The following ZFP62 variants were observed in gnomAD, a reference collection of about 807,000 sequenced individuals.
ZFP62 encodes the protein ZFP62 zinc finger protein, also known as zinc finger protein 62 homolog.
In ZFP62, 44 loss-of-function variants were observed where a neutral mutation model predicts 56.4. That is an observed-to-expected ratio of 0.78 (90% CI 0.61 to 1.00). The LOEUF (loss-of-function observed/expected upper bound fraction) is 1.00, where lower values mean the gene tolerates loss of function less well. Among genes scored for constraint, ZFP62 ranks in the 50% least tolerant of loss-of-function variants. The probability of loss-of-function intolerance (pLI) is 0.00; values close to 1 mark genes in which losing one functional copy is unlikely to be tolerated. For synonymous variants in ZFP62, 421 were observed against 388.9 expected (o/e 1.08, Z -0.97); for missense variants, 1,030 against 1,085.7 (o/e 0.95, Z 0.72).
At chr5:180,831,480 C>G in the ZFP62 span, 2 of 152,040 alleles carry the variant, frequency 1.3e-5, no homozygotes, top group African/African-American at 4.8e-5. Flanking sequence ...GGCGCCGTCT[C>G]GGCTCCCTGC....
chr5:180,827,293 G>A, the ZFP62 span, among the ~76,000 whole-genome samples: 1 of 152,220 alleles, frequency 6.6e-6, no homozygotes, highest in South Asian at 2.1e-4. Flanking sequence ...AGAGAGATCA[G>A]ATTGTTACTG....
the ZFP62 span, chr5:180,831,160 C>A: frequency 1.3e-5 from 2 of 154,630 alleles, no homozygotes; most frequent in South Asian, 1.8e-4. Context: ...GCTGCGCGCC[C>A]AGCGTTCTTC....
At chr5:180,855,461 G>A (rs1481940444) in intron 1 of ZFP62, among the ~76,000 whole-genome samples, 1 of 151,978 alleles carries the variant, frequency 6.6e-6, no homozygotes, top group Non-Finnish European at 1.5e-5. Flanking sequence ...CTTGCCCTCC[G>A]CGCTGCTGCC....
Position 180,850,238 on chromosome 5 carries a change from T to C in ZFP62, c.1257A>G (p.Lys419=). ...TCCCACACTCCTTACATTCATGGGC[T>C]TTCTTCCCAGGGTGAATGCTTTTAT... ...AVHKSIHPGK[K]AHECKECGKS... Residue 419 remains lysine, a synonymous_variant, in exon 2 of 2, where the codon AAA becomes AAG. Transcript: ENST00000502412. 2 of 1,553,930 alleles carry C rather than the reference T, an allele frequency of 1.3e-6. No individual in the cohort carries two copies. Among genetic ancestry groups the C allele is most frequent in the Non-Finnish European group, 1.7e-6 (2 of 1,148,392 alleles).
At chr5:180,857,464 A>T (rs17080697) in intron 1 of ZFP62, among the ~76,000 whole-genome samples, 3,814 of 152,234 alleles carry the variant, frequency 0.025, 61 homozygotes, top group African/African-American at 0.039. Context: ...GGCTGGTATA[A>T]TAACGGCATT....
At chr5:180,852,548 G>A (rs1289749115) in intron 1 of ZFP62, among the ~76,000 whole-genome samples, 3 of 95,014 alleles carry the variant, frequency 3.2e-5, no homozygotes, top group East Asian at 3.5e-4. Flanking sequence ...GCAAGACTCC[G>A]TCTCACAAAA....
At chr5:180,858,282 A>AAG (rs1774112321) in intron 1 of ZFP62, among the ~76,000 whole-genome samples, 1 of 138,052 alleles carries the variant, frequency 7.2e-6, no homozygotes, top group African/African-American at 2.6e-5. Context: ...AAAAAAAGAA[A>AAG]AAAAGAAAAG....
intron 1 of ZFP62, among the ~76,000 whole-genome samples, chr5:180,858,287 GAAAAGAAAA>G (rs1390914592): frequency 2.0e-3 from 254 of 129,012 alleles, no homozygotes; most frequent in Non-Finnish European, 3.0e-3. Flanking sequence ...AAGAAAAAAA[GAAAAGAAAA>G]AAAAGAAAAA....
the ZFP62 span, among the ~76,000 whole-genome samples, chr5:180,827,264 C>T: frequency 8.1e-4 from 123 of 152,270 alleles, no homozygotes; most frequent in African/African-American, 2.9e-3. Context: ...AAGCTGGGCA[C>T]GTGCTGTGGG....
rs1159542858 is a variant in ZFP62 at position 180,850,961 on chromosome 5, G to T, written c.534C>A (p.Phe178Leu). 1.3e-6 allele frequency: 2 copies of T among 1,554,032 alleles called. No individual in the cohort carries two copies. The highest frequency in any genetic ancestry group is 2.4e-5 in the East Asian group (1 of 41,028). The change falls in exon 2 of 2, where the codon TTC (phenylalanine) becomes TTA (leucine). Residue 178 changes from phenylalanine to leucine, a missense_variant. By Grantham distance (22) the Phe-to-Leu change is conservative (BLOSUM62 0). Coordinates refer to ENST00000502412, the MANE Select transcript of ZFP62 (RefSeq NM_001172638.2). The stretch of plus-strand genomic sequence containing the variant: ...GGACCCGAAGGCTCGAGCTGCTCCG[G>T]AAAGTCCCTCCACAGTCATCACATT... ...RYECDDCGGT[F>L]RSSSSLRVHK...
chr5:180,845,980 C>A (rs992554704), downstream of ZFP62: 2 of 509,114 alleles, frequency 3.9e-6, no homozygotes, highest in African/African-American at 2.1e-5. Context: ...TTTTTTCAGG[C>A]TTTTCTTTTC....
chr5:180,849,320 C>T lies in ZFP62; in HGVS notation c.2175G>A (p.Gly725=), dbSNP rs1773550034. The stretch of plus-strand genomic sequence containing the variant: ...ACTCAACACACTTGAAGGGTTTCTC[C>T]CCAAGATGGACTCTTTTATGGCTTA... ...TLISHKRVHL[G]EKPFKCVECG... is the part of the protein sequence containing the mutation. The change falls in exon 2 of 2, where the codon GGG becomes GGA. Residue 725 remains glycine, a synonymous_variant. Coordinates refer to ENST00000502412, the MANE Select transcript of ZFP62 (RefSeq NM_001172638.2). The T allele has an allele frequency of 1.9e-6, 3 of 1,552,146 alleles. No homozygotes were observed. The highest frequency in any genetic ancestry group is 2.6e-6 in the Non-Finnish European group (3 of 1,147,138).
chr5:180,849,602 G>A lies in ZFP62; in HGVS notation c.1893C>T (p.Leu631=), dbSNP rs1561902600. Residue 631 remains leucine, a synonymous_variant, in exon 2 of 2, where the codon CTC becomes CTT. Coordinates refer to ENST00000502412, the MANE Select transcript of ZFP62 (RefSeq NM_001172638.2). Reference sequence around the variant, plus strand: ...TGTGGACCCTTCTGTGCTGAGAAAGGAGCGATGTGTAATTAAAAGATTTCT... The same window carrying A: ...TGTGGACCCTTCTGTGCTGAGAAAGAAGCGATGTGTAATTAAAAGATTTCT... The part of the protein sequence containing the change: ...VCEKSFNYTS[L]LSQHRRVHTR... The A allele has an allele frequency of 6.4e-7, 1 of 1,551,772 alleles. No individual in the cohort carries two copies. The highest frequency in any genetic ancestry group is 8.7e-7 in the Non-Finnish European group (1 of 1,147,060).
rs867969193 is a variant in ZFP62, at chr5:180,850,728, C to T, written c.767G>A (p.Gly256Asp). Residue 256 changes from glycine to aspartate, a missense_variant, in exon 2 of 2, where the codon GGT becomes GAT. Coordinates refer to ENST00000502412, the MANE Select transcript of ZFP62 (RefSeq NM_001172638.2). ...GTTCCTGAAGGCCTTCCCACACTCA[C>T]CACATTCATAGGGCTTCTCCCCAGT... ...IHTGEKPYEC[G>D]ECGKAFRNSS... The T allele has an allele frequency of 6.2e-7, 1 of 1,606,326 alleles. No individual in the cohort carries two copies. The highest frequency in any genetic ancestry group is 8.5e-7 in the Non-Finnish European group (1 of 1,176,286).
In ZFP62 at chr5:180,850,125, G is replaced by A. The variant is rs772846163; in HGVS notation, c.1370C>T (p.Thr457Met). 3.5e-5 allele frequency: 55 copies of A among 1,551,632 alleles called. No homozygotes were observed. The highest frequency in any genetic ancestry group is 4.5e-5 in the Non-Finnish European group (52 of 1,147,030). Residue 457 changes from threonine to methionine, a missense_variant, in exon 2 of 2, where the codon ACG becomes ATG. Physicochemically the swap from Thr to Met is moderately conservative, Grantham distance 81 (BLOSUM62 -1). Coordinates refer to ENST00000502412, the MANE Select transcript of ZFP62 (RefSeq NM_001172638.2). The part of the protein sequence containing the change: ...RPYVCDVCGK[T>M]FRNNAGLKVH... ...TTTGAGGCCTGCATTGTTTCTGAACGTTTTCCCACACACATCACATACATA... is the reference window on the plus strand; with the variant it reads ...TTTGAGGCCTGCATTGTTTCTGAACATTTTCCCACACACATCACATACATA...
intron 1 of ZFP62, among the ~76,000 whole-genome samples, chr5:180,857,747 T>G (rs1044192318): frequency 3.3e-5 from 5 of 151,390 alleles, no homozygotes; most frequent in African/African-American, 1.2e-4. Context: ...TCCACCCGTC[T>G]CAGCCTCCCA....
intron 1 of ZFP62, among the ~76,000 whole-genome samples, chr5:180,856,952 C>CAAAAAAAAAAA (rs758729037): frequency 3.1e-5 from 2 of 63,698 alleles, no homozygotes; most frequent in Non-Finnish European, 5.3e-5. Flanking sequence ...GACTATGTCT[C>CAAAAAAAAAAA]AAAAAAAAAA....
rs1773455968 is a variant in ZFP62 at position 180,847,675 on chromosome 5, T to C, written c.*1117A>G. 3.0e-6 allele frequency: 3 copies of C among 985,464 alleles called. No individual in the cohort carries two copies. Among genetic ancestry groups the C allele is most frequent in the Non-Finnish European group, 2.4e-6 (2 of 829,938 alleles). 61.0% of individuals were successfully genotyped at this position (985,464 alleles called of 1,614,324 possible). A position where few individuals can be genotyped will look rare whatever the true frequency, so the allele number is the denominator to read the frequency against. ...CCTCGCCACAAGGAGCTGGCTTTCA[T>C]GACAAAGAGAGAGTGAGCCCTGAAC... On this transcript the variant is annotated 3_prime_UTR_variant, in exon 2 of 2. Coordinates refer to ENST00000502412, the MANE Select transcript of ZFP62 (RefSeq NM_001172638.2).
chr5:180,848,086 T>C lies in ZFP62; in HGVS notation c.*706A>G, dbSNP rs1315712680. The C allele has an allele frequency of 8.1e-6, 8 of 982,878 alleles. No homozygotes were observed. The highest frequency in any genetic ancestry group is 9.6e-6 in the Non-Finnish European group (8 of 829,914). The allele number at this position is 982,878 out of a possible 1,614,324, so 60.9% of individuals were successfully genotyped here. A position where few individuals can be genotyped will look rare whatever the true frequency, so the allele number is the denominator to read the frequency against. ...CATTATGGGAGTTCATCTGAAACTT[T>C]AAAAAAGTTTCATCCATTCAACTAA... On this transcript the variant is annotated 3_prime_UTR_variant, in exon 2 of 2. Transcript: ENST00000502412.
Sources: allele counts gnomAD v4.1 joint callset (sites outside exome capture counted in the v4.1 genomes callset), GRCh38; gene constraint gnomAD v4.1.1; transcripts MANE v1.5; gene names NCBI Gene and HGNC (gene_info 2026-07-23, HGNC 2026-07-21).